The following NKAIN2 variants were observed in gnomAD, a reference collection of about 807,000 sequenced individuals.
The protein encoded by NKAIN2 is sodium/potassium transporting ATPase interacting 2.
In NKAIN2, 14 loss-of-function variants were observed where a neutral mutation model predicts 32.6. That is an observed-to-expected ratio of 0.43 (90% CI 0.28 to 0.67). The LOEUF (loss-of-function observed/expected upper bound fraction) is 0.67, where lower values mean the gene tolerates loss of function less well. Ranked by LOEUF, NKAIN2 falls within the 30% of genes least tolerant of loss-of-function variation. The pLI, the probability that NKAIN2 is intolerant of heterozygous loss-of-function variation, is 0.17. For synonymous variants in NKAIN2, 80 were observed against 87.2 expected, an observed-to-expected ratio of 0.92 and a Z score of 0.46; for missense variants, 198 against 258.3, an observed-to-expected ratio of 0.77 and a Z score of 1.60.
intron 1 of NKAIN2, among the ~76,000 whole-genome samples, chr6:123,900,034 T>C (rs73551371): frequency 0.022 from 3,382 of 152,282 alleles, 125 homozygotes; most frequent in African/African-American, 0.077. Flanking sequence ...CTCAACCCAA[T>C]GGTCCCTCTC....
chr6:124,458,954 T>C (rs1026388046), intron 3 of NKAIN2, among the ~76,000 whole-genome samples: 1 of 151,840 alleles, frequency 6.6e-6, no homozygotes, highest in African/African-American at 2.4e-5. Context: ...CTTCTACAGG[T>C]CCTTGTGACC....
chr6:124,380,287 C>A (rs1217792076), intron 3 of NKAIN2, among the ~76,000 whole-genome samples: 1 of 152,188 alleles, frequency 6.6e-6, no homozygotes, highest in Non-Finnish European at 1.5e-5. Flanking sequence ...TTGAAAGAAT[C>A]TCCCCTGCAA....
chr6:123,923,375 G>T (rs1582786351), intron 1 of NKAIN2, among the ~76,000 whole-genome samples: 1 of 151,350 alleles, frequency 6.6e-6, no homozygotes, highest in Non-Finnish European at 1.5e-5. Context: ...TGGCAGGAGT[G>T]GGGGATTGAT....
intron 1 of NKAIN2, among the ~76,000 whole-genome samples, chr6:123,855,602 C>T (rs142468356): frequency 6.6e-6 from 1 of 152,278 alleles, no homozygotes; most frequent in Non-Finnish European, 1.5e-5. Context: ...AGACCAGCCA[C>T]GGTTACTGCA....
At chr6:124,561,753 T>C (rs1469830251) in intron 3 of NKAIN2, among the ~76,000 whole-genome samples, 1 of 152,170 alleles carries the variant, frequency 6.6e-6, no homozygotes, top group Non-Finnish European at 1.5e-5. Context: ...AGACCAGCCT[T>C]ATACTGTGTT....
At chr6:124,690,279 C>T (rs910945143) in intron 4 of NKAIN2, among the ~76,000 whole-genome samples, 2 of 152,008 alleles carry the variant, frequency 1.3e-5, no homozygotes, top group African/African-American at 4.8e-5. Flanking sequence ...AAACAATTGA[C>T]TTCTGTTTAT....
chr6:124,135,199 T>C (rs1020189490), intron 1 of NKAIN2, among the ~76,000 whole-genome samples: 2 of 130,736 alleles, frequency 1.5e-5, no homozygotes, highest in African/African-American at 5.8e-5. Context: ...ACAGAGTCTA[T>C]AAAACAATTA....
chr6:124,474,182 G>A (rs1293949031), intron 3 of NKAIN2, among the ~76,000 whole-genome samples: 1 of 151,678 alleles, frequency 6.6e-6, no homozygotes, highest in Non-Finnish European at 1.5e-5. Context: ...AATCTTTAGA[G>A]CTCTATTTAA....
At chr6:124,073,860 C>T (rs1425042136) in intron 1 of NKAIN2, among the ~76,000 whole-genome samples, 1 of 152,028 alleles carries the variant, frequency 6.6e-6, no homozygotes, top group Non-Finnish European at 1.5e-5. Flanking sequence ...AAAAGCTAAA[C>T]AATTGGGGGT....
chr6:124,184,887 A>G (rs1179080110), intron 1 of NKAIN2, among the ~76,000 whole-genome samples: 1 of 152,130 alleles, frequency 6.6e-6, no homozygotes, highest in Non-Finnish European at 1.5e-5. Flanking sequence ...GGAACAGTAG[A>G]CTGGTGACAA....
chr6:124,815,214 CTA>C (rs1200227151), intron 5 of NKAIN2, among the ~76,000 whole-genome samples: 1 of 68,792 alleles, frequency 1.5e-5, no homozygotes, highest in African/African-American at 5.2e-5. Flanking sequence ...CAGTCTTAAA[CTA>C]TATATATACA....
chr6:124,174,938 A>T (rs1789081622), intron 1 of NKAIN2, among the ~76,000 whole-genome samples: 1 of 152,142 alleles, frequency 6.6e-6, no homozygotes, highest in Non-Finnish European at 1.5e-5. Context: ...ACTTTAGTAA[A>T]ATGTATATGT....
At chr6:124,750,332 A>G (rs1416334825) in intron 4 of NKAIN2, among the ~76,000 whole-genome samples, 1 of 151,878 alleles carries the variant, frequency 6.6e-6, no homozygotes, top group Non-Finnish European at 1.5e-5. Flanking sequence ...GTCTTCCATA[A>G]CTGTGTATAT....
chr6:123,891,730 A>G (rs562048445), intron 1 of NKAIN2, among the ~76,000 whole-genome samples: 5 of 152,324 alleles, frequency 3.3e-5, no homozygotes, highest in African/African-American at 9.6e-5. Flanking sequence ...ATGTGTTTCT[A>G]GTCTTCATAT....
intron 3 of NKAIN2, among the ~76,000 whole-genome samples, chr6:124,598,063 G>A (rs1782161311): frequency 6.6e-6 from 1 of 152,054 alleles, no homozygotes; most frequent in African/African-American, 2.4e-5. Context: ...ACCTTTTCCT[G>A]AGAAAATTCA....
intron 1 of NKAIN2, among the ~76,000 whole-genome samples, chr6:124,020,859 A>G (rs1780830224): frequency 6.6e-6 from 1 of 152,142 alleles, no homozygotes; most frequent in Non-Finnish European, 1.5e-5. Context: ...AACTTAAAGA[A>G]GACATAAACA....
chr6:124,016,591 T>C (rs1780583568), intron 1 of NKAIN2, among the ~76,000 whole-genome samples: 1 of 152,302 alleles, frequency 6.6e-6, no homozygotes, highest in East Asian at 1.9e-4. Context: ...CTGAGCCTAC[T>C]ACTCTGGACC....
At chr6:123,897,380 TCCTTCA>T in intron 1 of NKAIN2, among the ~76,000 whole-genome samples, 1 of 152,266 alleles carries the variant, frequency 6.6e-6, no homozygotes. Flanking sequence ...TTTGCCTGTT[TCCTTCA>T]CCTGCTGGTT....
At chr6:124,710,557 T>A (rs1031032985) in intron 4 of NKAIN2, among the ~76,000 whole-genome samples, 1 of 152,168 alleles carries the variant, frequency 6.6e-6, no homozygotes, top group African/African-American at 2.4e-5. Context: ...GCTCTTCTTG[T>A]TGAATTGATC....
Sources: allele counts gnomAD v4.1 joint callset (sites outside exome capture counted in the v4.1 genomes callset), GRCh38; gene constraint gnomAD v4.1.1; transcripts MANE v1.5; gene names NCBI Gene and HGNC (gene_info 2026-07-23, HGNC 2026-07-21).